CNTNAP5: variants seen among roughly 807,000 people sequenced by gnomAD.
CNTNAP5 encodes contactin-associated protein-like 5.
A neutral mutation model predicts 150.2 loss-of-function variants in CNTNAP5; 72 were observed. The ratio of observed to expected loss-of-function variants is 0.48; its 90% CI spans 0.40 to 0.58. The LOEUF is 0.58. Among genes scored for constraint, CNTNAP5 ranks in the 20% least tolerant of loss-of-function variants. CNTNAP5 has a pLI of 0.00. For missense variants in CNTNAP5, 1,636 were observed against 1,626.2 expected (o/e 1.01, Z -0.10); for synonymous variants, 672 against 619.8 (o/e 1.08, Z -1.25).
At chr2:124,546,167 A>G (rs1009753329) in intron 10 of CNTNAP5, among the ~76,000 whole-genome samples, 1 of 152,164 alleles carries the variant, frequency 6.6e-6, no homozygotes, top group African/African-American at 2.4e-5. Flanking sequence ...ACTGTGTCAG[A>G]AGATTAAATA....
At chr2:124,451,520 A>T (rs1692982228) in intron 6 of CNTNAP5, among the ~76,000 whole-genome samples, 1 of 152,114 alleles carries the variant, frequency 6.6e-6, no homozygotes, top group Non-Finnish European at 1.5e-5. Flanking sequence ...CTACAAAAAA[A>T]ATCACACTTT....
At chr2:124,755,500 C>A (rs935689180) in intron 14 of CNTNAP5, among the ~76,000 whole-genome samples, 1 of 152,172 alleles carries the variant, frequency 6.6e-6, no homozygotes, top group African/African-American at 2.4e-5. Context: ...TTTACTGGAA[C>A]TCTTGGCCAA....
At chr2:124,145,837 A>G (rs12328187) in intron 1 of CNTNAP5, among the ~76,000 whole-genome samples, 4 of 46,962 alleles carry the variant, frequency 8.5e-5, no homozygotes, top group South Asian at 5.3e-4. Context: ...AAGAAGAAAA[A>G]AAAAAAAAAT....
At chr2:124,160,901 A>T (rs1293992968) in intron 1 of CNTNAP5, among the ~76,000 whole-genome samples, 4 of 152,056 alleles carry the variant, frequency 2.6e-5, no homozygotes, top group African/African-American at 9.7e-5. Flanking sequence ...ATTTCATTTT[A>T]TTTGTTTCCT....
At chr2:124,040,499 C>T (rs1027620114) in intron 1 of CNTNAP5, among the ~76,000 whole-genome samples, 1 of 151,956 alleles carries the variant, frequency 6.6e-6, no homozygotes, top group African/African-American at 2.4e-5. Context: ...TTCAGATAAC[C>T]TTACAGTATG....
intron 19 of CNTNAP5, among the ~76,000 whole-genome samples, chr2:124,813,352 C>T (rs998542633): frequency 2.6e-5 from 4 of 151,896 alleles, no homozygotes; most frequent in East Asian, 1.9e-4. Context: ...GCTGGGATTA[C>T]AGGCATGAGC....
rs1553474715 is a variant in CNTNAP5, at chr2:124,510,518, T to TACACACAC, written c.1327+5965_1327+5966insCACACACA. ...ATATATATATATATATATATATATATACATATATCTCCATATATCAACACA... is the reference window on the plus strand; with the variant it reads ...ATATATATATATATATATATATATATACACACACACATATATCTCCATATATCAACACA... On this transcript the variant is annotated intron_variant, in intron 8 of 23. Transcript: ENST00000682447. 1.6e-3 allele frequency among the ~76,000 whole-genome samples: 201 copies of TACACACAC among 124,890 alleles called. 4 individuals are homozygous for TACACACAC. Among genetic ancestry groups the TACACACAC allele is most frequent in the African/African-American group, 6.2e-3 (193 of 31,372 alleles). The allele number at this position is 124,890 out of a possible 152,430, so 81.9% of individuals were successfully genotyped here.
intron 3 of CNTNAP5, among the ~76,000 whole-genome samples, chr2:124,270,397 C>T (rs949823414): frequency 6.6e-6 from 1 of 152,144 alleles, no homozygotes; most frequent in Non-Finnish European, 1.5e-5. Context: ...TGCATAAAGG[C>T]CATAGGCCCA....
intron 2 of CNTNAP5, among the ~76,000 whole-genome samples, chr2:124,225,470 C>A (rs1391949008): frequency 3.3e-5 from 5 of 152,126 alleles, no homozygotes; most frequent in Non-Finnish European, 7.4e-5. Flanking sequence ...TCACTTACTT[C>A]CCTCCCTCTT....
Position 124,117,992 on chromosome 2 carries a change from G to C in CNTNAP5, c.82+92260G>C, listed in dbSNP as rs186188730. ...TCCCAGCTACATGGAACTATATTTA[G>C]TCAGAAACACAGAAGCATACATTTA... On this transcript the variant is annotated intron_variant, in intron 1 of 23. Transcript: ENST00000682447. 1.5e-4 allele frequency among the ~76,000 whole-genome samples: 23 copies of C among 152,136 alleles called. No individual in the cohort carries two copies. In the East Asian group the frequency reaches 3.9e-3, roughly 26 times the overall value.
chr2:124,527,065 C>G (rs538550167), intron 9 of CNTNAP5, among the ~76,000 whole-genome samples: 1 of 152,212 alleles, frequency 6.6e-6, no homozygotes, highest in East Asian at 1.9e-4. Flanking sequence ...ATTCCCTTTG[C>G]CACGCTTTTT....
At chr2:124,337,765 T>G (rs1191296867) in intron 3 of CNTNAP5, among the ~76,000 whole-genome samples, 1 of 152,090 alleles carries the variant, frequency 6.6e-6, no homozygotes, top group Non-Finnish European at 1.5e-5. Context: ...CATGCTGTTT[T>G]GGTTACTGTA....
chr2:124,645,480 A>T (rs1678184427), intron 12 of CNTNAP5, among the ~76,000 whole-genome samples: 1 of 152,104 alleles, frequency 6.6e-6, no homozygotes, highest in African/African-American at 2.4e-5. Context: ...AGGCAGGAGG[A>T]TCGCTTGAGC....
intron 3 of CNTNAP5, among the ~76,000 whole-genome samples, chr2:124,350,124 C>T (rs922998307): frequency 1.5e-4 from 23 of 151,880 alleles, no homozygotes; most frequent in Middle Eastern, 3.2e-3. Context: ...CCTCGTGATC[C>T]GCCCGCCTTT....
chr2:124,592,890 T>G (rs1313116901), intron 11 of CNTNAP5, among the ~76,000 whole-genome samples: 1 of 152,020 alleles, frequency 6.6e-6, no homozygotes, highest in East Asian at 1.9e-4. Context: ...TTTTCCCAGT[T>G]TGTCCATTTG....
chr2:124,601,576 G>T (rs1164793883), intron 11 of CNTNAP5, among the ~76,000 whole-genome samples: 1 of 152,150 alleles, frequency 6.6e-6, no homozygotes, highest in Non-Finnish European at 1.5e-5. Flanking sequence ...CAGCCTATAC[G>T]GAGCAAAGAA....
intron 3 of CNTNAP5, among the ~76,000 whole-genome samples, chr2:124,263,312 T>C (rs1436323102): frequency 6.6e-6 from 1 of 152,162 alleles, no homozygotes; most frequent in African/African-American, 2.4e-5. Context: ...CAGCACCTGT[T>C]GTTTCCTGAC....
At chr2:124,287,044 C>T (rs1224777911) in intron 3 of CNTNAP5, among the ~76,000 whole-genome samples, 1 of 152,158 alleles carries the variant, frequency 6.6e-6, no homozygotes, top group Non-Finnish European at 1.5e-5. Context: ...TCATGTCCAT[C>T]ACACATGCAA....
chr2:124,368,483 T>C (rs1690432402), intron 3 of CNTNAP5, among the ~76,000 whole-genome samples: 1 of 152,156 alleles, frequency 6.6e-6, no homozygotes, highest in South Asian at 2.1e-4. Context: ...TACAGAAATC[T>C]ATCTTAGAAA....
Sources: allele counts gnomAD v4.1 joint callset (sites outside exome capture counted in the v4.1 genomes callset), GRCh38; gene constraint gnomAD v4.1.1; transcripts MANE v1.5; gene names NCBI Gene and HGNC (gene_info 2026-07-23, HGNC 2026-07-21).